SLC2A13: variants seen among roughly 807,000 people sequenced by gnomAD.
The protein encoded by SLC2A13 is solute carrier family 2 member 13.
A neutral mutation model predicts 64.4 loss-of-function variants in SLC2A13; 32 were observed. The ratio of observed to expected loss-of-function variants is 0.50; its 90% CI spans 0.37 to 0.67. SLC2A13 has a LOEUF of 0.67. Among genes scored for constraint, SLC2A13 ranks in the 30% least tolerant of loss-of-function variants. SLC2A13 has a pLI of 0.00. For synonymous variants in SLC2A13, 338 were observed against 327.1 expected (o/e 1.03, Z -0.36); for missense variants, 743 against 829.2 (o/e 0.90, Z 1.28).
chr12:39,938,272 T>C (rs1219521853), intron 4 of SLC2A13, among the ~76,000 whole-genome samples: 1 of 152,170 alleles, frequency 6.6e-6, no homozygotes, highest in Non-Finnish European at 1.5e-5. Flanking sequence ...AGTTATTATG[T>C]AGCTTGTGGA....
intron 3 of SLC2A13, among the ~76,000 whole-genome samples, chr12:39,958,583 C>G (rs1478310797): frequency 1.3e-5 from 2 of 152,164 alleles, no homozygotes; most frequent in Admixed American, 6.5e-5. Flanking sequence ...TAAAGCACCC[C>G]ACTGAATCCT....
At chr12:40,027,912 T>G (rs1044114437) in intron 3 of SLC2A13, among the ~76,000 whole-genome samples, 8 of 152,226 alleles carry the variant, frequency 5.3e-5, no homozygotes, top group Non-Finnish European at 7.3e-5. Context: ...TTTTCTTGGT[T>G]TTCTGACATG....
intron 7 of SLC2A13, chr12:39,788,644 A>G (rs1941273556): frequency 6.6e-6 from 1 of 152,204 alleles, no homozygotes; most frequent in Non-Finnish European, 1.5e-5. Flanking sequence ...AGTACATCAA[A>G]TGGACCAATC....
At chr12:40,020,421 T>C (rs770460495) in intron 3 of SLC2A13, among the ~76,000 whole-genome samples, 1 of 152,342 alleles carries the variant, frequency 6.6e-6, no homozygotes, top group African/African-American at 2.4e-5. Flanking sequence ...CCTGCGGCCA[T>C]GTGAGACGTG....
intron 3 of SLC2A13, among the ~76,000 whole-genome samples, chr12:39,958,999 A>G (rs1378273113): frequency 6.6e-6 from 1 of 152,124 alleles, no homozygotes; most frequent in East Asian, 1.9e-4. Flanking sequence ...ATGTAAATAG[A>G]GGACATTCAG....
chr12:39,978,562 G>A (rs12813370), intron 3 of SLC2A13, among the ~76,000 whole-genome samples: 12,959 of 152,216 alleles, frequency 0.085, 706 homozygotes, highest in Non-Finnish European at 0.12. Flanking sequence ...AAGGGGTGAC[G>A]GATGCACCTG....
At chr12:40,039,029 G>C (rs1235668090) in intron 2 of SLC2A13, among the ~76,000 whole-genome samples, 3 of 152,054 alleles carry the variant, frequency 2.0e-5, no homozygotes, top group Non-Finnish European at 2.9e-5. Context: ...CCACTTTTAA[G>C]TATACAGCTC....
intron 4 of SLC2A13, among the ~76,000 whole-genome samples, chr12:39,900,382 A>C (rs1945058400): frequency 6.6e-6 from 1 of 152,160 alleles, no homozygotes; most frequent in African/African-American, 2.4e-5. Context: ...ATATTAGGAA[A>C]AGAGGAAGTC....
intron 1 of SLC2A13, among the ~76,000 whole-genome samples, chr12:40,065,870 T>C (rs1937699345): frequency 1.3e-5 from 2 of 152,224 alleles, no homozygotes; most frequent in Admixed American, 6.5e-5. Context: ...GAAATAGTTA[T>C]TGTTAGCCCC....
chr12:39,805,105 G>T (rs556935896), intron 7 of SLC2A13, among the ~76,000 whole-genome samples: 2 of 125,530 alleles, frequency 1.6e-5, no homozygotes, highest in Non-Finnish European at 3.4e-5. Flanking sequence ...CATCAGTGAC[G>T]ACAATGGAGG....
At chr12:39,919,769 G>T (rs374049212) in intron 4 of SLC2A13, among the ~76,000 whole-genome samples, 4 of 151,914 alleles carry the variant, frequency 2.6e-5, no homozygotes, top group African/African-American at 7.3e-5. Context: ...ATTAAAGAAG[G>T]TTATCATTGT....
At chr12:40,101,385 T>C (rs989978716) in intron 1 of SLC2A13, among the ~76,000 whole-genome samples, 2 of 152,198 alleles carry the variant, frequency 1.3e-5, no homozygotes, top group South Asian at 2.1e-4. Context: ...ATCTTCGCCT[T>C]TGTCAAAGGT....
intron 7 of SLC2A13, among the ~76,000 whole-genome samples, chr12:39,807,558 G>C (rs1942017221): frequency 6.6e-6 from 1 of 152,140 alleles, no homozygotes; most frequent in Admixed American, 6.6e-5. Flanking sequence ...TATAAGACTT[G>C]ATAAATATCA....
chr12:39,827,134 G>A (rs1400359465), intron 7 of SLC2A13, among the ~76,000 whole-genome samples: 1 of 151,594 alleles, frequency 6.6e-6, no homozygotes, highest in Non-Finnish European at 1.5e-5. Flanking sequence ...ATTCCATGTG[G>A]ATTCCTAACA....
intron 4 of SLC2A13, among the ~76,000 whole-genome samples, chr12:39,904,739 G>T (rs1184478482): frequency 6.6e-6 from 1 of 152,064 alleles, no homozygotes; most frequent in Non-Finnish European, 1.5e-5. Flanking sequence ...CAAGCCACAG[G>T]GGAACTAGAA....
chr12:39,903,965 A>G (rs1565534182), intron 4 of SLC2A13, among the ~76,000 whole-genome samples: 1 of 152,088 alleles, frequency 6.6e-6, no homozygotes, highest in Non-Finnish European at 1.5e-5. Flanking sequence ...ACTGCTATTT[A>G]TCAGATTTCC....
chr12:39,775,495 G>A (rs999903236), intron 7 of SLC2A13, among the ~76,000 whole-genome samples: 1 of 152,202 alleles, frequency 6.6e-6, no homozygotes, highest in East Asian at 1.9e-4. Context: ...TCTGCCTTGG[G>A]GAGGGTCCAC....
At chr12:39,918,394 T>A (rs1592282314) in intron 4 of SLC2A13, among the ~76,000 whole-genome samples, 1 of 146,424 alleles carries the variant, frequency 6.8e-6, no homozygotes, top group Non-Finnish European at 1.5e-5. Flanking sequence ...GAAACAAGAG[T>A]CTTTATGAAG....
At chr12:39,964,804 AAC>A (rs1235747992) in intron 3 of SLC2A13, among the ~76,000 whole-genome samples, 1 of 152,192 alleles carries the variant, frequency 6.6e-6, no homozygotes, top group East Asian at 1.9e-4. Context: ...AAGGCTGACG[AAC>A]ACACAGTCTA....
Sources: gnomAD v4.1 joint callset for allele counts (sites outside exome capture counted in the v4.1 genomes callset) on GRCh38, gnomAD v4.1.1 for gene constraint, MANE v1.5 for transcripts, NCBI Gene and HGNC (gene_info 2026-07-23, HGNC 2026-07-21) for gene names.